The following ADGRG6 variants were observed in gnomAD, a reference collection of about 807,000 sequenced individuals.
ADGRG6 encodes G-protein coupled receptor 126.
ADGRG6 carries 84 observed loss-of-function variants against 142.4 expected under a neutral mutation model. The ratio of observed to expected loss-of-function variants is 0.59; its 90% CI spans 0.49 to 0.71. The LOEUF is 0.71. Among genes scored for constraint, ADGRG6 ranks in the 30% least tolerant of loss-of-function variants. The pLI, the probability that ADGRG6 is intolerant of heterozygous loss-of-function variation, is 0.00. For synonymous variants in ADGRG6, 521 were observed against 520.5 expected (o/e 1.00, Z -0.01); for missense variants, 1,367 against 1,466.6 (o/e 0.93, Z 1.11).
Position 142,302,559 on chromosome 6 carries a change from A to T in ADGRG6, c.2+228A>T, listed in dbSNP as rs115493127. On this transcript the variant is annotated intron_variant, in intron 1 of 24. Coordinates refer to ENST00000367609, the MANE Select transcript of ADGRG6 (RefSeq NM_198569.3). ...TGTGTGTGGCTGTTTTTTTTCCCCC[A>T]GCGAGGTAAACCTCACATTTGGGCG... 2.1e-3 allele frequency: 1,114 copies of T among 523,376 alleles called. 9 individuals are homozygous for T. Among genetic ancestry groups the T allele is most frequent in the African/African-American group, 0.019 (954 of 51,510 alleles). The allele number at this position is 523,376 out of a possible 1,614,324, so 32.4% of individuals were successfully genotyped here. A position where few individuals can be genotyped will look rare whatever the true frequency, so the allele number is the denominator to read the frequency against.
intron 14 of ADGRG6, chr6:142,404,266 G>T: frequency 3.0e-6 from 1 of 338,798 alleles, no homozygotes; most frequent in East Asian, 7.9e-5. Flanking sequence ...TTCAGTTAGA[G>T]GAAAGAGCTT....
At position 142,443,539 on chromosome 6, in the gene ADGRG6, T is replaced by C. The variant is rs1777859625; in HGVS notation, c.*24T>C. On this transcript the variant is annotated 3_prime_UTR_variant, in exon 25 of 25. Transcript: ENST00000367609. ...AATGTCTTTAAGAAAAAGAAATCAA[T>C]CTGCAGAAATGTGAAGATTTGCAAG... 6.4e-7 allele frequency: 1 copy of C among 1,551,680 alleles called. No individual in the cohort carries two copies. Among genetic ancestry groups the C allele is most frequent in the Middle Eastern group, 1.7e-4 (1 of 5,842 alleles).
intron 2 of ADGRG6, among the ~76,000 whole-genome samples, chr6:142,335,870 A>T (rs767450996): frequency 4.0e-4 from 61 of 152,340 alleles, no homozygotes; most frequent in Admixed American, 8.5e-4. Context: ...GAAAATTTCA[A>T]GAGAATGTAA....
At chr6:142,310,023 A>G (rs1161353595) in intron 2 of ADGRG6, among the ~76,000 whole-genome samples, 2 of 151,886 alleles carry the variant, frequency 1.3e-5, no homozygotes, top group African/African-American at 4.8e-5. Context: ...GTAGTTATTT[A>G]TGGAAAGTAC....
intron 4 of ADGRG6, among the ~76,000 whole-genome samples, chr6:142,379,055 C>T (rs1386924295): frequency 2.0e-5 from 3 of 152,168 alleles, no homozygotes; most frequent in Non-Finnish European, 4.4e-5. Context: ...TTCCTGGCTA[C>T]ACCTCTTACA....
chr6:142,431,624 G>GA (rs1038071838), intron 22 of ADGRG6, among the ~76,000 whole-genome samples: 3 of 151,948 alleles, frequency 2.0e-5, no homozygotes, highest in African/African-American at 7.2e-5. Flanking sequence ...TTAGCAAAGG[G>GA]AAAAAAATGA....
intron 19 of ADGRG6, 145 bp from the exon 20 acceptor site, chr6:142,415,651 C>A: frequency 3.3e-6 from 2 of 599,928 alleles, no homozygotes; most frequent in Non-Finnish European, 2.9e-6. Flanking sequence ...ATCCTTAGCC[C>A]CTCCTTTTAG....
intron 2 of ADGRG6, 68 bp downstream of exon 2, chr6:142,309,712 A>T: frequency 1.0e-6 from 1 of 974,856 alleles, no homozygotes; most frequent in Non-Finnish European, 1.5e-6. Context: ...TAAGCATGCT[A>T]CTTATTTATG....
intron 9 of ADGRG6, among the ~76,000 whole-genome samples, chr6:142,397,029 T>G (rs1258764075): frequency 1.3e-5 from 2 of 152,130 alleles, no homozygotes; most frequent in Non-Finnish European, 2.9e-5. Context: ...AGAGTCGATT[T>G]TAAGTATTTA....
chr6:142,321,048 A>G (rs1778488922), intron 2 of ADGRG6, among the ~76,000 whole-genome samples: 1 of 151,994 alleles, frequency 6.6e-6, no homozygotes, highest in South Asian at 2.1e-4. Context: ...TTTGATAATT[A>G]TGGAATATTT....
At chr6:142,319,837 A>G (rs1228851018) in intron 2 of ADGRG6, among the ~76,000 whole-genome samples, 1 of 152,094 alleles carries the variant, frequency 6.6e-6, no homozygotes, top group African/African-American at 2.4e-5. Flanking sequence ...TTGAATTGGG[A>G]ACTTTGGGCT....
At chr6:142,393,024 TA>T in intron 8 of ADGRG6, 24 bp downstream of exon 8, 1 of 1,324,070 alleles carries the variant, frequency 7.6e-7, no homozygotes, top group South Asian at 1.2e-5. Flanking sequence ...AATTATTTGA[TA>T]AATTAAAAGT....
In ADGRG6 at chr6:142,435,922, T is replaced by G. The variant is rs117137259; in HGVS notation, c.3320-1512T>G. Among the ~76,000 whole-genome samples the G allele has an allele frequency of 3.9e-4, 59 of 152,166 alleles. 2 individuals carry two copies. In the East Asian group the frequency reaches 0.01, roughly 26 times the overall value. On this transcript the variant is annotated intron_variant, in intron 22 of 24. Transcript: ENST00000367609. ...AGGTAGGAACGTGTTATGGAAAGAT[T>G]TGGGAGAAGAGCGTTCAGCATGGTA...
At chr6:142,317,483 C>T (rs1282153923) in intron 2 of ADGRG6, among the ~76,000 whole-genome samples, 1 of 151,326 alleles carries the variant, frequency 6.6e-6, no homozygotes, top group Non-Finnish European at 1.5e-5. Flanking sequence ...AGAGTCCCCT[C>T]ATTTCCCCAC....
rs1393896696 is a variant in ADGRG6 at position 142,302,126 on chromosome 6, G to T, written c.-204G>T. The T allele has an allele frequency of 3.4e-6, 2 of 584,270 alleles. No individual in the cohort carries two copies. Among genetic ancestry groups the T allele is most frequent in the Non-Finnish European group, 6.0e-6 (2 of 332,708 alleles). The allele number at this position is 584,270 out of a possible 1,614,324, so 36.2% of individuals were successfully genotyped here. ...GCCTGCTTCCTCGTCCGCAGGCCCT[G>T]CGCTGAACGCTGCCGCGCCCAGGGT... On this transcript the variant is annotated 5_prime_UTR_variant, in exon 1 of 25. Coordinates refer to ENST00000367609, the MANE Select transcript of ADGRG6 (RefSeq NM_198569.3).
intron 2 of ADGRG6, among the ~76,000 whole-genome samples, chr6:142,334,887 A>AT (rs138532985): frequency 0.018 from 2,774 of 152,338 alleles, 83 homozygotes; most frequent in African/African-American, 0.063. Context: ...ATTCAAAATA[A>AT]TATGTTAGAG....
intron 10 of ADGRG6, 118 bp downstream of exon 10, chr6:142,397,873 T>C: frequency 1.7e-6 from 1 of 594,658 alleles, no homozygotes; most frequent in East Asian, 3.4e-5. Flanking sequence ...TTTTTTCTGA[T>C]GGTGAAGTTC....
intron 6 of ADGRG6, among the ~76,000 whole-genome samples, chr6:142,386,984 G>A (rs189528884): frequency 4.5e-4 from 68 of 152,296 alleles, no homozygotes; most frequent in African/African-American, 1.6e-3. Flanking sequence ...CAGACCCTAC[G>A]CAGACAGGGG....
intron 1 of ADGRG6, among the ~76,000 whole-genome samples, chr6:142,305,464 AC>A: frequency 1.4e-5 from 2 of 146,360 alleles, no homozygotes; most frequent in Non-Finnish European, 3.0e-5. Flanking sequence ...ACACACACAC[AC>A]ACACAATTTT....
Sources: gnomAD v4.1 joint callset for allele counts (sites outside exome capture counted in the v4.1 genomes callset) on GRCh38, gnomAD v4.1.1 for gene constraint, MANE v1.5 for transcripts, NCBI Gene and HGNC (gene_info 2026-07-23, HGNC 2026-07-21) for gene names.